SLC35F3: variants seen among roughly 807,000 people sequenced by gnomAD.
The protein encoded by SLC35F3 is solute carrier family 35 member F3.
A neutral mutation model predicts 49.9 loss-of-function variants in SLC35F3; 25 were observed. That is an observed-to-expected ratio of 0.50 (90% CI 0.37 to 0.70). The LOEUF is 0.70. Ranked by LOEUF, SLC35F3 falls within the 30% of genes least tolerant of loss-of-function variation. The probability of loss-of-function intolerance (pLI) is 0.00; values close to 1 mark genes in which losing one functional copy is unlikely to be tolerated. For missense variants in SLC35F3, 525 were observed against 639.8 expected (o/e 0.82, Z 1.94); for synonymous variants, 275 against 265.4 (o/e 1.04, Z -0.35).
At chr1:234,131,898 C>T (rs531507406) in intron 2 of SLC35F3, among the ~76,000 whole-genome samples, 3 of 152,030 alleles carry the variant, frequency 2.0e-5, no homozygotes, top group African/African-American at 7.3e-5. Flanking sequence ...AAATAATAAG[C>T]GATAATAATA....
chr1:233,958,917 A>G (rs1662748918), intron 2 of SLC35F3, among the ~76,000 whole-genome samples: 1 of 152,226 alleles, frequency 6.6e-6, no homozygotes, highest in African/African-American at 2.4e-5. Flanking sequence ...TCCATGATAG[A>G]AAATAGAAAA....
At chr1:234,254,707 T>A (rs184914635) in intron 3 of SLC35F3, among the ~76,000 whole-genome samples, 1 of 152,212 alleles carries the variant, frequency 6.6e-6, no homozygotes, top group African/African-American at 2.4e-5. Flanking sequence ...GAGAAAAAAT[T>A]CTCTTAACCA....
At chr1:234,009,510 T>A (rs1325299932) in intron 2 of SLC35F3, among the ~76,000 whole-genome samples, 1 of 152,198 alleles carries the variant, frequency 6.6e-6, no homozygotes, top group Non-Finnish European at 1.5e-5. Context: ...CCTTTTTGAA[T>A]CAGGGCAAAT....
chr1:234,243,029 A>G (rs144853696), intron 3 of SLC35F3, among the ~76,000 whole-genome samples: 1 of 152,270 alleles, frequency 6.6e-6, no homozygotes, highest in East Asian at 1.9e-4. Context: ...AGTAGGGGGA[A>G]TGGGTCTTCC....
rs555423943 is a variant in SLC35F3, at chr1:234,233,279, G to A, written c.608+1538G>A. On this transcript the variant is annotated intron_variant, in intron 3 of 7. Transcript: ENST00000366618. ...AAGTGTATTTAATTTGTAATTAGGCGGTAACCCTTCATTAAAACTGATTAG... is the reference window on the plus strand; with the variant it reads ...AAGTGTATTTAATTTGTAATTAGGCAGTAACCCTTCATTAAAACTGATTAG... Among the ~76,000 whole-genome samples the A allele has an allele frequency of 1.1e-4, 16 of 152,172 alleles. No individual in the cohort carries two copies. The East Asian group carries it at 1.9e-3, about 18-fold the overall frequency.
At position 234,141,660 on chromosome 1, in the gene SLC35F3, A is replaced by T. The variant is rs552805493; in HGVS notation, c.284-89757A>T. On this transcript the variant is annotated intron_variant, in intron 2 of 7. Coordinates refer to ENST00000366618, the MANE Select transcript of SLC35F3 (RefSeq NM_173508.4). ...CTACTTCACAAAGGCCTCCTGGTCT[A>T]CTCAGCCCACCATGTTAGCTTATCT... Among the ~76,000 whole-genome samples, 14 of 152,228 alleles carry T rather than the reference A, an allele frequency of 9.2e-5. 1 individual carries two copies. The South Asian group carries it at 2.7e-3, about 29-fold the overall frequency.
At chr1:233,908,287 A>T (rs1355327568) in intron 2 of SLC35F3, among the ~76,000 whole-genome samples, 1 of 152,060 alleles carries the variant, frequency 6.6e-6, no homozygotes, top group Non-Finnish European at 1.5e-5. Flanking sequence ...AAAGTGATTT[A>T]TCTGTGTCCT....
chr1:234,312,692 A>T (rs766465500), intron 4 of SLC35F3, among the ~76,000 whole-genome samples: 16 of 152,234 alleles, frequency 1.1e-4, no homozygotes, highest in Non-Finnish European at 1.9e-4. Flanking sequence ...GCAGGCCAGC[A>T]GCTGGGAGGG....
chr1:233,947,341 GGAGAGA>G (rs148848593), intron 2 of SLC35F3, among the ~76,000 whole-genome samples: 56 of 149,884 alleles, frequency 3.7e-4, no homozygotes, highest in Middle Eastern at 3.5e-3. Context: ...GTAAGAGGGA[GGAGAGA>G]GAGAGAGAGA....
chr1:233,945,435 C>T (rs1411762979), intron 2 of SLC35F3, among the ~76,000 whole-genome samples: 1 of 152,156 alleles, frequency 6.6e-6, no homozygotes, highest in Non-Finnish European at 1.5e-5. Context: ...CAAAACTGTT[C>T]TTCCACAAGG....
At chr1:234,276,462 A>C (rs900355771) in intron 3 of SLC35F3, among the ~76,000 whole-genome samples, 20 of 152,144 alleles carry the variant, frequency 1.3e-4, no homozygotes, top group African/African-American at 4.8e-4. Context: ...GTATCCCTCT[A>C]CTGTGTATAA....
At chr1:234,225,359 T>C (rs1294413569) in intron 2 of SLC35F3, among the ~76,000 whole-genome samples, 1 of 152,176 alleles carries the variant, frequency 6.6e-6, no homozygotes, top group African/African-American at 2.4e-5. Flanking sequence ...GCAAAACTTT[T>C]TGGTTTGTTG....
At chr1:234,189,629 GT>G (rs1464062370) in intron 2 of SLC35F3, among the ~76,000 whole-genome samples, 7 of 151,734 alleles carry the variant, frequency 4.6e-5, no homozygotes, top group African/African-American at 1.7e-4. Context: ...AAATCTAGAA[GT>G]TTGGAAGACA....
intron 2 of SLC35F3, among the ~76,000 whole-genome samples, chr1:234,062,879 C>T (rs918566223): frequency 1.8e-4 from 27 of 146,424 alleles, no homozygotes; most frequent in Non-Finnish European, 2.4e-4. Flanking sequence ...TTAGTAGAGA[C>T]GTGGTTTCAC....
intron 3 of SLC35F3, among the ~76,000 whole-genome samples, chr1:234,274,705 A>G (rs1168798689): frequency 6.6e-6 from 1 of 152,144 alleles, no homozygotes; most frequent in Admixed American, 6.5e-5. Context: ...GCAGATTCCA[A>G]CTGCTGAGGA....
At chr1:234,017,169 T>C (rs1263739270) in intron 2 of SLC35F3, among the ~76,000 whole-genome samples, 1 of 152,190 alleles carries the variant, frequency 6.6e-6, no homozygotes, top group Non-Finnish European at 1.5e-5. Flanking sequence ...AATTAGTGAA[T>C]ACTGAACAGT....
At chr1:234,012,941 T>G (rs1663746558) in intron 2 of SLC35F3, among the ~76,000 whole-genome samples, 1 of 152,054 alleles carries the variant, frequency 6.6e-6, no homozygotes, top group Admixed American at 6.6e-5. Context: ...AGACAGAAAA[T>G]TAATAGGACA....
intron 2 of SLC35F3, among the ~76,000 whole-genome samples, chr1:234,065,851 T>C (rs1664609120): frequency 6.6e-6 from 1 of 152,198 alleles, no homozygotes; most frequent in African/African-American, 2.4e-5. Flanking sequence ...GAATTACAAT[T>C]AGGATTAAAA....
intron 2 of SLC35F3, among the ~76,000 whole-genome samples, chr1:233,931,949 A>T (rs1662250005): frequency 6.6e-6 from 1 of 152,210 alleles, no homozygotes; most frequent in Non-Finnish European, 1.5e-5. Flanking sequence ...TACACCATGG[A>T]ATACTATGCA....
Sources: allele counts gnomAD v4.1 joint callset (sites outside exome capture counted in the v4.1 genomes callset), GRCh38; gene constraint gnomAD v4.1.1; transcripts MANE v1.5; gene names NCBI Gene and HGNC (gene_info 2026-07-23, HGNC 2026-07-21).